Variants in RFX4 observed in about 807,000 individuals in gnomAD.
The protein encoded by RFX4 is transcription factor RFX4.
In RFX4, 10 loss-of-function variants were observed where a neutral mutation model predicts 95.0. That is an observed-to-expected ratio of 0.11 (90% confidence interval 0.06 to 0.18). The LOEUF (loss-of-function observed/expected upper bound fraction) is 0.18, where lower values mean the gene tolerates loss of function less well. Ranked by LOEUF, RFX4 falls within the 10% of genes least tolerant of loss-of-function variation. The probability of loss-of-function intolerance (pLI) is 1.00; values close to 1 mark genes in which losing one functional copy is unlikely to be tolerated. For missense variants in RFX4, 640 were observed against 922.0 expected (o/e 0.69, Z 3.96); for synonymous variants, 321 against 340.7 (o/e 0.94, Z 0.64).
At chr12:106,680,096 C>T (rs2041476700) in intron 4 of RFX4, among the ~76,000 whole-genome samples, 1 of 152,214 alleles carries the variant, frequency 6.6e-6, no homozygotes, top group South Asian at 2.1e-4. Flanking sequence ...TCAGTATTAT[C>T]ACCATGAGAT....
At chr12:106,746,355 CAA>C (rs531874659) in intron 15 of RFX4, among the ~76,000 whole-genome samples, 22 of 67,262 alleles carry the variant, frequency 3.3e-4, no homozygotes, top group Admixed American at 5.3e-4. Context: ...GACTCCATCT[CAA>C]AAAAAAAAAA....
chr12:106,686,988 T>A lies in RFX4; in HGVS notation c.482T>A (p.Val161Glu). 1 of 1,613,816 alleles carries A rather than the reference T, an allele frequency of 6.2e-7. No homozygotes were observed. Among genetic ancestry groups the A allele is most frequent in the Non-Finnish European group, 8.5e-7 (1 of 1,179,952 alleles). Reference protein sequence around the residue: ...AWVSETGKKEVSKQTVAYSPR... With the variant: ...AWVSETGKKEESKQTVAYSPR... ...GTGAGTGAGACGGGCAAGAAAGAAG[T>A]GAGCAAACAGACAGTGGCATATTCA... is the stretch of plus-strand genomic sequence containing the variant. Residue 161 changes from valine to glutamate, a missense_variant, in exon 6 of 18, where the codon GTG becomes GAG. By Grantham distance (121) the Val-to-Glu change is moderately radical. Transcript: ENST00000392842.
Position 106,682,184 on chromosome 12 carries a change from G to C in RFX4, c.377+130G>C, listed in dbSNP as rs2041528722. The C allele has an allele frequency of 3.2e-6, 3 of 925,646 alleles. No homozygotes were observed. In the African/African-American group the frequency reaches 4.9e-5, roughly 15 times the overall value. The allele number at this position is 925,646 out of a possible 1,614,324, so 57.3% of individuals were successfully genotyped here. ...GAAGTCTGTGCCTAGAGGGAATATG[G>C]AAGAGCTTTATGACGGCCAGGGCCC... On this transcript the variant is annotated intron_variant, in intron 5 of 17. Coordinates refer to ENST00000392842, the MANE Select transcript of RFX4 (RefSeq NM_213594.3).
At chr12:106,694,363 G>A (rs548709454) in intron 7 of RFX4, among the ~76,000 whole-genome samples, 2 of 152,206 alleles carry the variant, frequency 1.3e-5, no homozygotes, top group Non-Finnish European at 2.9e-5. Context: ...CACCAGGCTA[G>A]AGTCGGGGCA....
chr12:106,693,668 G>A (rs1030436028), intron 7 of RFX4, among the ~76,000 whole-genome samples: 5 of 152,120 alleles, frequency 3.3e-5, no homozygotes, highest in African/African-American at 1.2e-4. Context: ...CAAAAGCCGT[G>A]GACATCTCCA....
In RFX4 at chr12:106,733,039, C is replaced by T. The variant is rs1465116856; in HGVS notation, c.1587C>T (p.Ser529=). 2 of 1,614,068 alleles carry T rather than the reference C, an allele frequency of 1.2e-6. No homozygotes were observed. The highest frequency in any genetic ancestry group is 1.3e-5 in the African/African-American group (1 of 74,912). The change falls in exon 15 of 18, where the codon TCC becomes TCT. Residue 529 remains serine (S), a synonymous_variant. Coordinates refer to ENST00000392842, the MANE Select transcript of RFX4 (RefSeq NM_213594.3). ...CTGTGGAAGTGCCACCTCCCTCTTC[C>T]CCTGTTAGCAATCCTTCCCCTGAGT... The part of the protein sequence containing the change: ...ATSVEVPPPS[S]PVSNPSPEYT...
chr12:106,625,251 A>G (rs977225480), intron 2 of RFX4, among the ~76,000 whole-genome samples: 17 of 152,328 alleles, frequency 1.1e-4, no homozygotes, highest in African/African-American at 3.6e-4. Flanking sequence ...TCCCTTTAGC[A>G]ACCCAGAAAA....
At chr12:106,666,109 C>T (rs2041172256) in intron 4 of RFX4, among the ~76,000 whole-genome samples, 1 of 151,924 alleles carries the variant, frequency 6.6e-6, no homozygotes, top group African/African-American at 2.4e-5. Flanking sequence ...CTGAGATAGT[C>T]TCTACTACTA....
At chr12:106,728,266 G>T (rs1315925985) in intron 13 of RFX4, among the ~76,000 whole-genome samples, 2 of 151,792 alleles carry the variant, frequency 1.3e-5, no homozygotes, top group African/African-American at 4.9e-5. Context: ...GTGACTTTAA[G>T]CAAGTTATTC....
intron 2 of RFX4, among the ~76,000 whole-genome samples, chr12:106,611,715 GT>G (rs2039965631): frequency 6.6e-6 from 1 of 152,038 alleles, no homozygotes; most frequent in Non-Finnish European, 1.5e-5. Context: ...GTTTCACCAT[GT>G]TGGTCAGGTT....
chr12:106,699,704 C>T (rs1014125577), intron 8 of RFX4, among the ~76,000 whole-genome samples: 26 of 152,096 alleles, frequency 1.7e-4, no homozygotes, highest in African/African-American at 6.3e-4. Context: ...TATAGCTACT[C>T]CAGGTTTTTT....
At chr12:106,611,934 T>C (rs1252337538) in intron 2 of RFX4, among the ~76,000 whole-genome samples, 1 of 152,252 alleles carries the variant, frequency 6.6e-6, no homozygotes, top group Non-Finnish European at 1.5e-5. Flanking sequence ...ATCATGTATG[T>C]GGAGGTTTAT....
chr12:106,732,469 G>T (rs868588337), intron 14 of RFX4, among the ~76,000 whole-genome samples: 5 of 152,268 alleles, frequency 3.3e-5, no homozygotes, highest in Middle Eastern at 3.4e-3. Context: ...GGAGGCCAAG[G>T]CGGGCAGCTC....
In RFX4 at chr12:106,700,446, G is replaced by A. The variant is rs1370528430; in HGVS notation, c.833+4000G>A. Among the ~76,000 whole-genome samples the A allele has an allele frequency of 7.2e-5, 9 of 125,340 alleles. No individual in the cohort carries two copies. In the South Asian group the frequency reaches 7.5e-4, roughly 11 times the overall value. The allele number at this position is 125,340 out of a possible 152,430, so 82.2% of individuals were successfully genotyped here. On this transcript the variant is annotated intron_variant, in intron 8 of 17. Coordinates refer to ENST00000392842, the MANE Select transcript of RFX4 (RefSeq NM_213594.3). ...TTTTGAGACGGAGTCTCGCTCTGTC[G>A]CCCAGGCTGGAGTGCAGTGGCGCGA...
intron 1 of RFX4, among the ~76,000 whole-genome samples, chr12:106,592,635 C>T (rs766881822): frequency 2.7e-4 from 37 of 136,732 alleles, no homozygotes; most frequent in African/African-American, 5.1e-4. Context: ...GCCCCCTCAA[C>T]CACCCAACCC....
chr12:106,617,427 C>A (rs2040095308), intron 2 of RFX4, among the ~76,000 whole-genome samples: 1 of 152,162 alleles, frequency 6.6e-6, no homozygotes, highest in Non-Finnish European at 1.5e-5. Flanking sequence ...TTTCTGATAT[C>A]ACACTTTCAT....
chr12:106,588,449 A>T (rs1222168267), intron 1 of RFX4, among the ~76,000 whole-genome samples: 2 of 152,222 alleles, frequency 1.3e-5, no homozygotes, highest in Non-Finnish European at 2.9e-5. Context: ...TGGCCAATGT[A>T]CTAAAATGCG....
intron 8 of RFX4, among the ~76,000 whole-genome samples, chr12:106,697,985 T>G (rs2041913215): frequency 6.6e-6 from 1 of 151,780 alleles, no homozygotes; most frequent in Non-Finnish European, 1.5e-5. Flanking sequence ...TATTATTTTT[T>G]TTTTGAGACG....
chr12:106,601,368 C>A, intron 1 of RFX4: 1 of 1,565,882 alleles, frequency 6.4e-7, no homozygotes, highest in Non-Finnish European at 8.7e-7. Context: ...GGCCCAGGGA[C>A]AGGAGACTGG....
Sources: gnomAD v4.1 joint callset for allele counts (sites outside exome capture counted in the v4.1 genomes callset) on GRCh38, gnomAD v4.1.1 for gene constraint, MANE v1.5 for transcripts, NCBI Gene and HGNC (gene_info 2026-07-23, HGNC 2026-07-21) for gene names.